PEMT: variants seen among roughly 807,000 people sequenced by gnomAD.
The protein encoded by PEMT is phospholipid methyltransferase.
A neutral mutation model predicts 27.4 loss-of-function variants in PEMT; 23 were observed. The observed-to-expected ratio is 0.84, with a 90% CI of 0.60 to 1.19. The LOEUF (loss-of-function observed/expected upper bound fraction) is 1.19, where lower values mean the gene tolerates loss of function less well. Ranked by LOEUF, PEMT falls within the 50% of genes most tolerant of loss-of-function variation. The probability of loss-of-function intolerance (pLI) is 0.00; values close to 1 mark genes in which losing one functional copy is unlikely to be tolerated. For missense variants in PEMT, 307 were observed against 310.1 expected, an observed-to-expected ratio of 0.99 and a Z score of 0.07; for synonymous variants, 137 against 139.1, an observed-to-expected ratio of 0.98 and a Z score of 0.11.
rs1171286495 is a variant in PEMT at position 17,577,046 on chromosome 17, C to T, written c.97-19G>A. ...AGTCTGCCTGCAGGGACAGAGCTAG[C>T]ATCAGCACCACCCAGACACAGCAGG... On this transcript the variant is annotated intron_variant, in intron 1 of 6. Transcript: ENST00000255389. 1 of 1,580,550 alleles carries T rather than the reference C, an allele frequency of 6.3e-7. No individual in the cohort carries two copies.
chr17:17,506,090 C>T, intron 6 of PEMT, 137 bp downstream of exon 6: 1 of 981,342 alleles, frequency 1.0e-6, no homozygotes, highest in Non-Finnish European at 1.5e-6. Flanking sequence ...CATGGCCGCT[C>T]TGACCTGGGA....
At chr17:17,533,182 C>T (rs909988608) in intron 2 of PEMT, among the ~76,000 whole-genome samples, 1 of 152,238 alleles carries the variant, frequency 6.6e-6, no homozygotes, top group African/African-American at 2.4e-5. Flanking sequence ...TAAACTTCCA[C>T]ATACATGGCA....
chr17:17,557,677 T>C (rs972475364), intron 2 of PEMT, among the ~76,000 whole-genome samples: 2 of 152,188 alleles, frequency 1.3e-5, no homozygotes, highest in African/African-American at 2.4e-5. Context: ...TCAGCAGGAC[T>C]GAAATGGGGT....
At chr17:17,544,723 C>T (rs193254100) in intron 2 of PEMT, among the ~76,000 whole-genome samples, 19 of 152,292 alleles carry the variant, frequency 1.2e-4, no homozygotes, top group Non-Finnish European at 2.1e-4. Flanking sequence ...ACAGAAAAGA[C>T]GTTTCAAAAT....
intron 2 of PEMT, among the ~76,000 whole-genome samples, chr17:17,538,841 A>G (rs1908679420): frequency 6.6e-6 from 1 of 152,158 alleles, no homozygotes; most frequent in African/African-American, 2.4e-5. Flanking sequence ...CCTGCCTCGG[A>G]AAGGAAATTT....
intron 2 of PEMT, among the ~76,000 whole-genome samples, chr17:17,567,040 C>A (rs933075233): frequency 6.6e-6 from 1 of 152,206 alleles, no homozygotes; most frequent in African/African-American, 2.4e-5. Context: ...TGTCCAATAG[C>A]CTTCATCATG....
intron 3 of PEMT, chr17:17,518,014 G>A (rs547913480): frequency 2.9e-5 from 29 of 985,500 alleles, no homozygotes; most frequent in South Asian, 2.4e-4. Flanking sequence ...GCCACACTCC[G>A]AGGCCAGGAT....
intron 2 of PEMT, among the ~76,000 whole-genome samples, chr17:17,566,030 G>T (rs761619969): frequency 3.2e-4 from 49 of 152,368 alleles, no homozygotes; most frequent in Non-Finnish European, 6.5e-4. Context: ...GGCAGAGGCT[G>T]CTCCTCCAGA....
chr17:17,559,873 C>A (rs887756053), intron 2 of PEMT, among the ~76,000 whole-genome samples: 5 of 152,218 alleles, frequency 3.3e-5, no homozygotes, highest in African/African-American at 1.2e-4. Flanking sequence ...GGGGCTGGAG[C>A]CCCGCTGCAC....
rs754269892 is a variant in PEMT, at chr17:17,522,415, C to T, written c.205-20G>A. 4.4e-6 allele frequency: 6 copies of T among 1,354,144 alleles called. No homozygotes were observed. The highest frequency in any genetic ancestry group is 1.7e-5 in the Admixed American group (1 of 58,206). 83.9% of individuals were successfully genotyped at this position (1,354,144 alleles called of 1,614,324 possible). A position where few individuals can be genotyped will look rare whatever the true frequency, so the allele number is the denominator to read the frequency against. On this transcript the variant is annotated intron_variant, in intron 2 of 6. Coordinates refer to ENST00000255389, the MANE Select transcript of PEMT (RefSeq NM_148172.3). Reference sequence around the variant, plus strand: ...TGCAACCTAAACCGTGAGCAGAGAACAAGAACGAGATATTTCCTGGGGAGA... The same window carrying T: ...TGCAACCTAAACCGTGAGCAGAGAATAAGAACGAGATATTTCCTGGGGAGA...
At chr17:17,505,890 G>A in intron 6 of PEMT, 42 bp from the exon 7 acceptor site, 1 of 1,583,388 alleles carries the variant, frequency 6.3e-7, no homozygotes, top group South Asian at 1.2e-5. Context: ...CAGGTCCTGG[G>A]GGTGACCCAC....
intron 2 of PEMT, among the ~76,000 whole-genome samples, chr17:17,543,856 C>T (rs902423030): frequency 6.6e-6 from 1 of 152,246 alleles, no homozygotes; most frequent in African/African-American, 2.4e-5. Flanking sequence ...AGCCACGGCG[C>T]CCAGCCAGCT....
At chr17:17,525,856 C>T (rs1463418420) in intron 2 of PEMT, among the ~76,000 whole-genome samples, 1 of 152,138 alleles carries the variant, frequency 6.6e-6, no homozygotes, top group African/African-American at 2.4e-5. Context: ...TAGCTGGGCA[C>T]AGTGGTGTGC....
chr17:17,591,783 G>A (rs1912604472), upstream of PEMT: 2 of 1,427,300 alleles, frequency 1.4e-6, no homozygotes, highest in African/African-American at 1.4e-5. Flanking sequence ...CCCCGTCACC[G>A]CGAAGTGCCT....
intron 1 of PEMT, among the ~76,000 whole-genome samples, chr17:17,581,590 C>A (rs1911980209): frequency 6.6e-6 from 1 of 151,904 alleles, no homozygotes; most frequent in Non-Finnish European, 1.5e-5. Context: ...AAACTGAGCA[C>A]TGAAAGATTA....
intron 6 of PEMT, 142 bp downstream of exon 6, chr17:17,506,085 C>T: frequency 1.0e-6 from 1 of 980,058 alleles, no homozygotes; most frequent in Non-Finnish European, 1.5e-6. Flanking sequence ...GCTACCATGG[C>T]CGCTCTGACC....
At chr17:17,588,074 G>A (rs1353855027) in intron 1 of PEMT, among the ~76,000 whole-genome samples, 1 of 152,156 alleles carries the variant, frequency 6.6e-6, no homozygotes, top group East Asian at 1.9e-4. Flanking sequence ...AGCTTAATGA[G>A]GAAAAACAGT....
At chr17:17,533,341 G>A (rs1257273357) in intron 2 of PEMT, among the ~76,000 whole-genome samples, 1 of 152,158 alleles carries the variant, frequency 6.6e-6, no homozygotes, top group Non-Finnish European at 1.5e-5. Context: ...ACTCGAAATG[G>A]ATCAAAGACC....
intron 2 of PEMT, among the ~76,000 whole-genome samples, chr17:17,542,567 G>T (rs1267663218): frequency 6.6e-6 from 1 of 152,204 alleles, no homozygotes; most frequent in African/African-American, 2.4e-5. Flanking sequence ...AACAGATTGA[G>T]GGCAGGGCCT....
Sources: gnomAD v4.1 joint callset for allele counts (sites outside exome capture counted in the v4.1 genomes callset) on GRCh38, gnomAD v4.1.1 for gene constraint, MANE v1.5 for transcripts, NCBI Gene and HGNC (gene_info 2026-07-23, HGNC 2026-07-21) for gene names.